The following PRELID2 variants were observed in gnomAD, a reference collection of about 807,000 sequenced individuals.
PRELID2 encodes PRELI domain-containing protein 2.
PRELID2 carries 25 observed loss-of-function variants against 28.4 expected under a neutral mutation model. The ratio of observed to expected loss-of-function variants is 0.88; its 90% CI spans 0.64 to 1.23. The LOEUF (loss-of-function observed/expected upper bound fraction) is 1.23. Among genes scored for constraint, PRELID2 ranks in the 50% most tolerant of loss-of-function variants. The probability of loss-of-function intolerance (pLI) is 0.00; values close to 1 mark genes in which losing one functional copy is unlikely to be tolerated. For missense variants in PRELID2, 201 were observed against 214.4 expected, an observed-to-expected ratio of 0.94 and a Z score of 0.39; for synonymous variants, 76 against 71.6, an observed-to-expected ratio of 1.06 and a Z score of -0.31.
At position 145,783,415 on chromosome 5, in the gene PRELID2, G is replaced by A. The variant is rs1030679628; in HGVS notation, c.474+13027C>T. On this transcript the variant is annotated intron_variant, in intron 5 of 6. Coordinates refer to ENST00000683046, the MANE Select transcript of PRELID2 (RefSeq NM_205846.3). ...CTGCAAAAGCTATGTTTCATCAGACGAAAACTCTAGAGGTAATAGTAGTAG... is the reference window on the plus strand; with the variant it reads ...CTGCAAAAGCTATGTTTCATCAGACAAAAACTCTAGAGGTAATAGTAGTAG... Among the ~76,000 whole-genome samples the A allele has an allele frequency of 5.9e-5, 9 of 152,154 alleles. No individual in the cohort carries two copies. In the East Asian group the frequency reaches 7.7e-4, roughly 13 times the overall value.
At chr5:145,377,602 C>G in the PRELID2 span, among the ~76,000 whole-genome samples, 3 of 151,958 alleles carry the variant, frequency 2.0e-5, no homozygotes, top group South Asian at 2.1e-4. Flanking sequence ...TGTGTTAAAC[C>G]CTTTACTGTT....
the PRELID2 span, among the ~76,000 whole-genome samples, chr5:145,466,229 C>G: frequency 3.3e-5 from 5 of 152,214 alleles, no homozygotes; most frequent in East Asian, 9.7e-4. Context: ...ATTCACTTTA[C>G]TATAGAAACC....
chr5:145,629,596 TA>T (rs1310762965), intron 1 of PRELID2, among the ~76,000 whole-genome samples: 1 of 152,206 alleles, frequency 6.6e-6, no homozygotes, highest in Non-Finnish European at 1.5e-5. Flanking sequence ...GGAGGCTTAA[TA>T]TGTGCCAGGC....
At chr5:145,507,339 T>TG (rs749583674) in intron 1 of PRELID2, among the ~76,000 whole-genome samples, 68 of 151,968 alleles carry the variant, frequency 4.5e-4, no homozygotes, top group East Asian at 7.8e-4. Flanking sequence ...ATCTATAAAA[T>TG]GGGGGGGAAA....
the PRELID2 span, among the ~76,000 whole-genome samples, chr5:145,273,548 G>C: frequency 1.3e-5 from 2 of 152,116 alleles, no homozygotes; most frequent in Non-Finnish European, 2.9e-5. Context: ...GATTGGGTGT[G>C]ACTCATAAAT....
intron 1 of PRELID2, among the ~76,000 whole-genome samples, chr5:145,495,073 C>T (rs534874524): frequency 2.0e-5 from 3 of 152,158 alleles, no homozygotes; most frequent in African/African-American, 4.8e-5. Flanking sequence ...CACTGTCTCT[C>T]GTTTCCTTCC....
intron 1 of PRELID2, among the ~76,000 whole-genome samples, chr5:145,547,419 T>A (rs1201082130): frequency 6.6e-6 from 1 of 152,072 alleles, no homozygotes; most frequent in African/African-American, 2.4e-5. Context: ...CAAATTTAGG[T>A]GAAAAACACT....
intron 1 of PRELID2, among the ~76,000 whole-genome samples, chr5:145,702,868 T>C (rs1755442250): frequency 6.6e-6 from 1 of 152,146 alleles, no homozygotes; most frequent in Non-Finnish European, 1.5e-5. Flanking sequence ...TGGGCTTGAG[T>C]TCCACAATCA....
At chr5:145,677,569 C>T (rs567567374) in intron 1 of PRELID2, among the ~76,000 whole-genome samples, 7 of 152,244 alleles carry the variant, frequency 4.6e-5, no homozygotes, top group East Asian at 3.9e-4. Flanking sequence ...TTAGCAAGTG[C>T]GGCACAGATG....
chr5:145,824,468 T>C (rs981841834), intron 1 of PRELID2, among the ~76,000 whole-genome samples: 2 of 50,698 alleles, frequency 3.9e-5, no homozygotes, highest in Admixed American at 2.0e-4. Flanking sequence ...GTGTGTGATA[T>C]TGATTTATTA....
chr5:145,279,919 T>C, the PRELID2 span, among the ~76,000 whole-genome samples: 1 of 152,124 alleles, frequency 6.6e-6, no homozygotes, highest in Non-Finnish European at 1.5e-5. Context: ...CAATGATTCA[T>C]AGCCCAAGAT....
the PRELID2 span, among the ~76,000 whole-genome samples, chr5:145,339,666 GA>G: frequency 6.6e-6 from 1 of 152,106 alleles, no homozygotes; most frequent in East Asian, 1.9e-4. Flanking sequence ...TGCACTCTGA[GA>G]AAAAATCCCA....
At chr5:145,699,460 C>T (rs1008241190) in intron 1 of PRELID2, among the ~76,000 whole-genome samples, 19 of 152,108 alleles carry the variant, frequency 1.2e-4, no homozygotes, top group African/African-American at 4.3e-4. Flanking sequence ...GCAGAGTCAT[C>T]CATTTGCCAG....
intron 1 of PRELID2, among the ~76,000 whole-genome samples, chr5:145,607,111 T>C (rs915979045): frequency 4.6e-5 from 7 of 152,114 alleles, no homozygotes; most frequent in Non-Finnish European, 8.8e-5. Context: ...TTTCTGATAG[T>C]GTTTATTTGG....
At chr5:145,575,838 T>C (rs1400737108) in intron 1 of PRELID2, among the ~76,000 whole-genome samples, 1 of 152,126 alleles carries the variant, frequency 6.6e-6, no homozygotes, top group Non-Finnish European at 1.5e-5. Flanking sequence ...CCTTTTGACC[T>C]CTCCAGCCCA....
the PRELID2 span, among the ~76,000 whole-genome samples, chr5:145,245,307 A>C: frequency 6.6e-6 from 1 of 152,094 alleles, no homozygotes; most frequent in Non-Finnish European, 1.5e-5. Flanking sequence ...TTCAGAAAAA[A>C]ATAAAGTGCA....
intron 1 of PRELID2, among the ~76,000 whole-genome samples, chr5:145,478,418 G>A (rs1024616492): frequency 4.0e-5 from 6 of 151,880 alleles, no homozygotes; most frequent in Admixed American, 6.6e-5. Flanking sequence ...ATGGTGGTGC[G>A]CACCTGTAAT....
At chr5:145,458,896 A>G in the PRELID2 span, among the ~76,000 whole-genome samples, 3 of 152,200 alleles carry the variant, frequency 2.0e-5, no homozygotes, top group Non-Finnish European at 4.4e-5. Flanking sequence ...GTCAATAAGT[A>G]ATGGGGTCAG....
At chr5:145,734,860 A>T (rs1170863691) in intron 1 of PRELID2, among the ~76,000 whole-genome samples, 1 of 152,214 alleles carries the variant, frequency 6.6e-6, no homozygotes, top group Non-Finnish European at 1.5e-5. Context: ...GTGAACTATG[A>T]TCCACTAATG....
Sources: gnomAD v4.1 joint callset for allele counts (sites outside exome capture counted in the v4.1 genomes callset) on GRCh38, gnomAD v4.1.1 for gene constraint, MANE v1.5 for transcripts, NCBI Gene and HGNC (gene_info 2026-07-23, HGNC 2026-07-21) for gene names.